The following DPP6 variants were observed in gnomAD, a reference collection of about 807,000 sequenced individuals.
The protein encoded by DPP6 is dipeptidyl peptidase like 6.
DPP6 carries 69 observed loss-of-function variants against 122.6 expected under a neutral mutation model. That is an observed-to-expected ratio of 0.56 (90% CI 0.46 to 0.69). The LOEUF (loss-of-function observed/expected upper bound fraction) is 0.69. Ranked by LOEUF, DPP6 falls within the 30% of genes least tolerant of loss-of-function variation. The pLI is 0.00. For missense variants in DPP6, 928 were observed against 1,116.9 expected, an observed-to-expected ratio of 0.83 and a Z score of 2.41; for synonymous variants, 418 against 433.1, an observed-to-expected ratio of 0.97 and a Z score of 0.43.
intron 1 of DPP6, among the ~76,000 whole-genome samples, chr7:154,028,285 T>C (rs1382552896): frequency 6.6e-6 from 1 of 152,006 alleles, no homozygotes; most frequent in Non-Finnish European, 1.5e-5. Context: ...ACTGTATGCA[T>C]CACTTTCCTT....
Position 154,540,586 on chromosome 7 carries a change from A to G in DPP6, c.512A>G (p.Glu171Gly), listed in dbSNP as rs376847690. 3 of 1,606,894 alleles carry G rather than the reference A, an allele frequency of 1.9e-6. No homozygotes were observed. The highest frequency in any genetic ancestry group is 2.5e-6 in the Non-Finnish European group (3 of 1,177,052). ...GGAACAGTGAGACTGTGGAATGTTG[A>G]AACAAATACTTCTACTGTCTTAATA... ...QKGTVRLWNV[E>G]TNTSTVLIEG... is the part of the protein sequence containing the mutation. The change falls in exon 4 of 26, where the codon GAA becomes GGA. Residue 171 changes from glutamate to glycine, a missense_variant. Coordinates refer to ENST00000377770, the MANE Select transcript of DPP6 (RefSeq NM_130797.4).
At chr7:153,946,913 C>T (rs1015520004) in intron 1 of DPP6, among the ~76,000 whole-genome samples, 27 of 151,978 alleles carry the variant, frequency 1.8e-4, no homozygotes, top group African/African-American at 5.6e-4. Flanking sequence ...TAACTTTTCC[C>T]GACATAAAAT....
intron 9 of DPP6, 72 bp from the exon 10 acceptor site, chr7:154,772,773 G>T: frequency 1.3e-6 from 2 of 1,560,700 alleles, no homozygotes; most frequent in Non-Finnish European, 8.7e-7. Context: ...TCCCAGGAAA[G>T]GCTTTGCAGA....
chr7:153,800,575 G>A, the DPP6 span, among the ~76,000 whole-genome samples: 9 of 152,026 alleles, frequency 5.9e-5, no homozygotes, highest in African/African-American at 2.2e-4. Flanking sequence ...GGAATGTAGC[G>A]GCACCATCTC....
intron 1 of DPP6, among the ~76,000 whole-genome samples, chr7:154,337,953 A>G (rs931300368): frequency 2.6e-5 from 4 of 152,176 alleles, no homozygotes; most frequent in African/African-American, 9.7e-5. Flanking sequence ...CCCGTGTGGC[A>G]TGCAGGCCAC....
In DPP6 at chr7:154,091,448, T is replaced by G. The variant is rs558448549; in HGVS notation, c.243+38385T>G. On this transcript the variant is annotated intron_variant, in intron 1 of 25. Transcript: ENST00000377770. Reference sequence around the variant, plus strand: ...TATCTGAATGCATTTCTTGTAACCCTGGCAGAAGAAAAGTTTCTATCAGCC... The same window carrying G: ...TATCTGAATGCATTTCTTGTAACCCGGGCAGAAGAAAAGTTTCTATCAGCC... 9.2e-5 allele frequency among the ~76,000 whole-genome samples: 14 copies of G among 152,298 alleles called. No individual in the cohort carries two copies. In the South Asian group the frequency reaches 2.7e-3, roughly 29 times the overall value.
chr7:153,968,708 T>G (rs1372816190), intron 1 of DPP6: 2 of 151,642 alleles, frequency 1.3e-5, no homozygotes, highest in African/African-American at 4.9e-5. Flanking sequence ...TAATGCCACT[T>G]CCATTGCTAA....
the DPP6 span, among the ~76,000 whole-genome samples, chr7:153,805,224 CTT>C: frequency 1.3e-5 from 2 of 152,150 alleles, no homozygotes; most frequent in African/African-American, 4.8e-5. Flanking sequence ...AAGCAATGGT[CTT>C]TATTACAGTC....
chr7:154,288,013 A>C (rs1328811187), intron 1 of DPP6, among the ~76,000 whole-genome samples: 1 of 152,222 alleles, frequency 6.6e-6, no homozygotes, highest in Non-Finnish European at 1.5e-5. Flanking sequence ...ACCCAGAGGA[A>C]TGAGACATAT....
At chr7:154,449,454 T>C (rs1374372851) in intron 2 of DPP6, among the ~76,000 whole-genome samples, 2 of 152,042 alleles carry the variant, frequency 1.3e-5, no homozygotes, top group African/African-American at 4.8e-5. Context: ...TCCCAGGATA[T>C]AGAGAAATGG....
chr7:154,281,059 C>A (rs1443583951), intron 1 of DPP6, among the ~76,000 whole-genome samples: 1 of 151,694 alleles, frequency 6.6e-6, no homozygotes, highest in African/African-American at 2.4e-5. Flanking sequence ...GTCACCCAGG[C>A]TGGCACACAG....
At chr7:153,944,785 C>T (rs937311517) in intron 1 of DPP6, among the ~76,000 whole-genome samples, 3 of 151,374 alleles carry the variant, frequency 2.0e-5, no homozygotes, top group African/African-American at 7.3e-5. Flanking sequence ...CACACACCAC[C>T]ACGCCTGGCT....
intron 3 of DPP6, among the ~76,000 whole-genome samples, chr7:154,518,783 G>A (rs779513066): frequency 3.9e-5 from 6 of 152,186 alleles, no homozygotes; most frequent in Non-Finnish European, 8.8e-5. Context: ...CCTAATAGGT[G>A]AACCCAGATA....
chr7:154,309,690 G>A (rs941009077), intron 1 of DPP6, among the ~76,000 whole-genome samples: 7 of 152,110 alleles, frequency 4.6e-5, no homozygotes, highest in Non-Finnish European at 7.3e-5. Flanking sequence ...TGAGACATCC[G>A]TATTTAAGAT....
At chr7:154,473,763 G>A (rs73169388) in intron 2 of DPP6, among the ~76,000 whole-genome samples, 5,866 of 152,180 alleles carry the variant, frequency 0.039, 212 homozygotes, top group African/African-American at 0.084. Flanking sequence ...TCCAAAAAGC[G>A]TAACAGCCAG....
At chr7:154,288,479 C>A (rs569884601) in intron 1 of DPP6, among the ~76,000 whole-genome samples, 1 of 152,338 alleles carries the variant, frequency 6.6e-6, no homozygotes, top group African/African-American at 2.4e-5. Context: ...ACCAGGAGTG[C>A]AATCTCTCTG....
At chr7:153,818,393 A>G in the DPP6 span, among the ~76,000 whole-genome samples, 1 of 152,042 alleles carries the variant, frequency 6.6e-6, no homozygotes, top group Admixed American at 6.6e-5. Context: ...ATATAAAAGA[A>G]TGTTTGCTGC....
intron 4 of DPP6, among the ~76,000 whole-genome samples, chr7:154,550,063 ATAACTT>A (rs879874771): frequency 2.2e-4 from 33 of 152,302 alleles, no homozygotes; most frequent in Non-Finnish European, 1.3e-4. Context: ...TAAATTGAAC[ATAACTT>A]TAAGATTGAA....
At chr7:154,057,210 A>G (rs187833238) in intron 1 of DPP6, among the ~76,000 whole-genome samples, 1 of 151,732 alleles carries the variant, frequency 6.6e-6, no homozygotes, top group East Asian at 1.9e-4. Flanking sequence ...GCAACTGCCC[A>G]GCTAGTACAA....
Sources: gnomAD v4.1 joint callset for allele counts (sites outside exome capture counted in the v4.1 genomes callset) on GRCh38, gnomAD v4.1.1 for gene constraint, MANE v1.5 for transcripts, NCBI Gene and HGNC (gene_info 2026-07-23, HGNC 2026-07-21) for gene names.